The following ETS1 variants were observed in gnomAD, a reference collection of about 807,000 sequenced individuals.
ETS1 encodes ETS proto-oncogene 1, transcription factor.
Under a neutral mutation model 58.6 loss-of-function variants are expected in ETS1, and 15 were observed. The observed-to-expected ratio is 0.26, with a 90% CI of 0.17 to 0.39. The LOEUF (loss-of-function observed/expected upper bound fraction) is 0.39. ETS1 is among the 10% of genes least tolerant of loss of function. The probability of loss-of-function intolerance (pLI) is 1.00; values close to 1 mark genes in which losing one functional copy is unlikely to be tolerated. For missense variants in ETS1, 417 were observed against 610.5 expected (o/e 0.68, Z 3.34); for synonymous variants, 214 against 218.2 (o/e 0.98, Z 0.17).
At chr11:128,501,586 G>C (rs1426053093) in intron 3 of ETS1, among the ~76,000 whole-genome samples, 1 of 152,178 alleles carries the variant, frequency 6.6e-6, no homozygotes, top group Admixed American at 6.5e-5. Context: ...CACTAAGTGT[G>C]CTTTCTGTGT....
intron 3 of ETS1, chr11:128,536,623 A>C (rs1863976791): frequency 1.3e-5 from 2 of 152,222 alleles, no homozygotes; most frequent in South Asian, 4.1e-4. Flanking sequence ...CAATGTTAAG[A>C]GGCATAACAG....
chr11:128,466,575 T>C lies in ETS1; in HGVS notation c.1124-2948A>G, dbSNP rs979192851. ...TCCAAACTGAAATGTCAAGCAGTCATAGGCTGTAGATGCCCTGCCCTGCCC... is the reference window on the plus strand; with the variant it reads ...TCCAAACTGAAATGTCAAGCAGTCACAGGCTGTAGATGCCCTGCCCTGCCC... On this transcript the variant is annotated intron_variant, in intron 8 of 9. Transcript: ENST00000392668. 2.6e-5 allele frequency among the ~76,000 whole-genome samples: 4 copies of C among 152,138 alleles called. No individual in the cohort carries two copies. In the East Asian group the frequency reaches 7.7e-4, roughly 29 times the overall value.
intron 2 of ETS1, among the ~76,000 whole-genome samples, chr11:128,560,332 C>T (rs901126625): frequency 2.6e-5 from 4 of 152,178 alleles, no homozygotes; most frequent in Admixed American, 6.5e-5. Context: ...AGGCTGGTCT[C>T]GAATTCCTGC....
At chr11:128,513,672 G>A (rs1377754762) in intron 3 of ETS1, among the ~76,000 whole-genome samples, 1 of 152,218 alleles carries the variant, frequency 6.6e-6, no homozygotes, top group African/African-American at 2.4e-5. Context: ...TAGGAGAAAT[G>A]TGTAGGTACT....
At chr11:128,553,519 T>C (rs1279797858) in intron 3 of ETS1, among the ~76,000 whole-genome samples, 1 of 152,160 alleles carries the variant, frequency 6.6e-6, no homozygotes, top group Non-Finnish European at 1.5e-5. Flanking sequence ...TTCTGTCCAT[T>C]TTCACACATC....
chr11:128,512,345 C>G (rs1863413888), intron 3 of ETS1, among the ~76,000 whole-genome samples: 1 of 152,154 alleles, frequency 6.6e-6, no homozygotes, highest in Non-Finnish European at 1.5e-5. Context: ...TACACAAGCA[C>G]CAGTAGATAA....
Position 128,489,282 on chromosome 11 carries a change from A to T in ETS1, c.535+8T>A, listed in dbSNP as rs754784435. 6 of 1,613,132 alleles carry T rather than the reference A, an allele frequency of 3.7e-6. No individual in the cohort carries two copies. Among genetic ancestry groups the T allele is most frequent in the Non-Finnish European group, 5.1e-6 (6 of 1,179,270 alleles). On this transcript the variant is annotated splice_region_variant and intron_variant, in intron 5 of 9. Transcript: ENST00000392668. ...AACCTCCACCTCTCTCTGTTTCCAC[A>T]TATTTACCTTTCTGCAGGATCTCTA... is the stretch of plus-strand genomic sequence containing the variant.
At chr11:128,478,549 A>T (rs1055457133) in intron 8 of ETS1, among the ~76,000 whole-genome samples, 9 of 152,204 alleles carry the variant, frequency 5.9e-5, no homozygotes, top group Admixed American at 6.5e-5. Flanking sequence ...CCTAGAGCAT[A>T]GTTTTCTCTG....
intron 3 of ETS1, among the ~76,000 whole-genome samples, chr11:128,528,257 A>G (rs1863836776): frequency 6.6e-6 from 1 of 152,216 alleles, no homozygotes; most frequent in Non-Finnish European, 1.5e-5. Flanking sequence ...AACTACAGAA[A>G]ACAGATCAAT....
At chr11:128,557,865 C>T (rs1045340901) in intron 2 of ETS1, among the ~76,000 whole-genome samples, 3 of 152,188 alleles carry the variant, frequency 2.0e-5, no homozygotes, top group South Asian at 2.1e-4. Flanking sequence ...GGAGAACTTA[C>T]GTCTTCTCTT....
intron 3 of ETS1, among the ~76,000 whole-genome samples, chr11:128,542,577 C>A (rs79321669): frequency 4.0e-5 from 6 of 149,224 alleles, no homozygotes; most frequent in Admixed American, 1.3e-4. Flanking sequence ...AAAAAAAAAA[C>A]AAAACAAAAC....
intron 1 of ETS1, among the ~76,000 whole-genome samples, chr11:128,581,551 G>A (rs146779512): frequency 2.9e-3 from 443 of 152,144 alleles, no homozygotes; most frequent in Admixed American, 4.3e-3. Flanking sequence ...GTTTTACTTC[G>A]AACCTCAAAA....
intron 3 of ETS1, among the ~76,000 whole-genome samples, chr11:128,503,114 C>T (rs1863133587): frequency 6.6e-6 from 1 of 152,180 alleles, no homozygotes; most frequent in Non-Finnish European, 1.5e-5. Flanking sequence ...ACTAACTTCC[C>T]ACCTTGTTCC....
intron 1 of ETS1, among the ~76,000 whole-genome samples, chr11:128,579,748 AAAGGCAACACCTGGGCTACC>A (rs1864827103): frequency 6.6e-6 from 1 of 152,104 alleles, no homozygotes; most frequent in Non-Finnish European, 1.5e-5. Context: ...TTGCCAAACT[AAAGGCAACACCTGGGCTACC>A]AAGGCAACAT....
intron 3 of ETS1, among the ~76,000 whole-genome samples, chr11:128,516,367 A>C (rs1258900430): frequency 6.6e-6 from 1 of 152,266 alleles, no homozygotes; most frequent in African/African-American, 2.4e-5. Context: ...GACCTAGAAT[A>C]CTGCAAACAT....
intron 1 of ETS1, among the ~76,000 whole-genome samples, chr11:128,582,246 C>T (rs770801481): frequency 7.9e-5 from 12 of 152,142 alleles, no homozygotes; most frequent in Non-Finnish European, 1.2e-4. Context: ...GAACTGCTTG[C>T]TGCGTGTATG....
At chr11:128,580,205 C>T (rs1259764719) in intron 1 of ETS1, among the ~76,000 whole-genome samples, 1 of 146,760 alleles carries the variant, frequency 6.8e-6, no homozygotes, top group Non-Finnish European at 1.5e-5. Flanking sequence ...AAAAAAAATC[C>T]CTGTGATGAA....
intron 3 of ETS1, among the ~76,000 whole-genome samples, chr11:128,540,721 T>C (rs1042674931): frequency 6.6e-6 from 1 of 152,138 alleles, no homozygotes; most frequent in African/African-American, 2.4e-5. Flanking sequence ...AAATATTATC[T>C]CCTGGCTTTA....
chr11:128,513,667 G>T (rs924615229), intron 3 of ETS1, among the ~76,000 whole-genome samples: 5 of 152,188 alleles, frequency 3.3e-5, no homozygotes, highest in Non-Finnish European at 5.9e-5. Context: ...TCAAATAGGA[G>T]AAATGTGTAG....
Sources: gnomAD v4.1 joint callset for allele counts (sites outside exome capture counted in the v4.1 genomes callset) on GRCh38, gnomAD v4.1.1 for gene constraint, MANE v1.5 for transcripts, NCBI Gene and HGNC (gene_info 2026-07-23, HGNC 2026-07-21) for gene names.